Variants in DSCAM observed in about 807,000 individuals in gnomAD.
DSCAM encodes DS cell adhesion molecule, also known as cell adhesion molecule DSCAM.
In DSCAM, 47 loss-of-function variants were observed where a neutral mutation model predicts 217.7. The ratio of observed to expected loss-of-function variants is 0.22; its 90% CI spans 0.17 to 0.28. The LOEUF (loss-of-function observed/expected upper bound fraction) is 0.28, where lower values mean the gene tolerates loss of function less well. Ranked by LOEUF, DSCAM falls within the 10% of genes least tolerant of loss-of-function variation. DSCAM has a pLI of 1.00. For missense variants in DSCAM, 2,080 were observed against 2,618.3 expected (o/e 0.79, Z 4.49); for synonymous variants, 1,056 against 1,015.3 (o/e 1.04, Z -0.76).
intron 1 of DSCAM, among the ~76,000 whole-genome samples, chr21:40,715,582 G>C (rs74497764): frequency 2.0e-5 from 3 of 152,168 alleles, no homozygotes; most frequent in African/African-American, 7.2e-5. Context: ...TGCTTCATAA[G>C]TCAGAATATG....
chr21:40,841,692 T>C (rs1166914746), intron 1 of DSCAM, among the ~76,000 whole-genome samples: 7 of 152,158 alleles, frequency 4.6e-5, no homozygotes, highest in East Asian at 3.9e-4. Context: ...TGGAATGACA[T>C]TGGAAGGTCA....
chr21:40,751,458 T>G (rs2091227662), intron 1 of DSCAM, among the ~76,000 whole-genome samples: 1 of 152,204 alleles, frequency 6.6e-6, no homozygotes, highest in Admixed American at 6.5e-5. Context: ...CCTCCAAAAT[T>G]TATTTGTTGA....
chr21:40,441,964 G>C (rs1272996625), intron 3 of DSCAM, among the ~76,000 whole-genome samples: 3 of 151,914 alleles, frequency 2.0e-5, no homozygotes, highest in African/African-American at 7.3e-5. Flanking sequence ...CTTACTATTT[G>C]TAAGAAATCC....
chr21:40,187,082 A>G (rs117915938), intron 14 of DSCAM, 49 bp downstream of exon 14: 565 of 1,604,834 alleles, frequency 3.5e-4, no homozygotes, highest in Non-Finnish European at 4.4e-4. Context: ...GAGAAAAATA[A>G]AAGAACTTTC....
chr21:40,805,858 G>A (rs1167210371), intron 1 of DSCAM, among the ~76,000 whole-genome samples: 1 of 151,942 alleles, frequency 6.6e-6, no homozygotes, highest in East Asian at 1.9e-4. Flanking sequence ...AGAGGCACCT[G>A]CCACCACGCC....
chr21:40,225,403 A>C (rs1465847082), intron 11 of DSCAM, among the ~76,000 whole-genome samples: 1 of 152,142 alleles, frequency 6.6e-6, no homozygotes, highest in Admixed American at 6.5e-5. Flanking sequence ...ACAGCCTCTC[A>C]AAACCCCTTA....
chr21:40,016,546 C>A lies in DSCAM; in HGVS notation c.5687-3160G>T, dbSNP rs2088161748. Among the ~76,000 whole-genome samples, 1 of 152,124 alleles carries A rather than the reference C, an allele frequency of 6.6e-6. No homozygotes were observed. The highest frequency in any genetic ancestry group is 2.4e-5 in the African/African-American group (1 of 41,432). ...CTAAAGTAACTGAACATTCTTGTTT[C>A]TTTTGCTTCAAAATATCCCCTGCTT... On this transcript the variant is annotated intron_variant, in intron 32 of 32. Transcript: ENST00000400454. The surrounding 1 kb of genome is among the most constrained non-coding windows in gnomAD (Gnocchi z 4.3).
chr21:40,494,904 G>A (rs1010157501), intron 3 of DSCAM, among the ~76,000 whole-genome samples: 5 of 148,560 alleles, frequency 3.4e-5, no homozygotes, highest in Non-Finnish European at 7.4e-5. Flanking sequence ...AATAAAAGGA[G>A]AAACATTACA....
intron 3 of DSCAM, among the ~76,000 whole-genome samples, chr21:40,531,529 C>A (rs574734097): frequency 1.3e-5 from 2 of 152,154 alleles, no homozygotes. Context: ...GCCCAGCTCC[C>A]GGCTCAGAGA....
At chr21:40,614,107 C>T (rs2089353222) in intron 3 of DSCAM, among the ~76,000 whole-genome samples, 2 of 152,174 alleles carry the variant, frequency 1.3e-5, no homozygotes, top group South Asian at 4.1e-4. Context: ...CCTGGCACTG[C>T]CCCCGGGGGC....
chr21:40,291,093 C>T (rs921897196), intron 10 of DSCAM, among the ~76,000 whole-genome samples: 2 of 152,150 alleles, frequency 1.3e-5, no homozygotes, highest in African/African-American at 2.4e-5. Context: ...TGTCTGTCAC[C>T]GGCACTTCCA....
chr21:40,423,470 G>A (rs1033826925), intron 3 of DSCAM, among the ~76,000 whole-genome samples: 5 of 152,220 alleles, frequency 3.3e-5, no homozygotes, highest in Non-Finnish European at 7.3e-5. Context: ...CGTCCTAAGC[G>A]AAGAGTCATG....
At chr21:40,591,196 A>G (rs553716901) in intron 3 of DSCAM, among the ~76,000 whole-genome samples, 1 of 152,298 alleles carries the variant, frequency 6.6e-6, no homozygotes, top group Admixed American at 6.5e-5. Context: ...GCCTTCCATC[A>G]TGATTGTAAG....
intron 16 of DSCAM, among the ~76,000 whole-genome samples, chr21:40,160,428 A>G (rs1445467586): frequency 4.6e-5 from 7 of 152,184 alleles, no homozygotes; most frequent in Admixed American, 4.6e-4. Context: ...GTCAACTTAT[A>G]TTTTTACATG....
chr21:40,542,533 T>C (rs2076550172), intron 3 of DSCAM, among the ~76,000 whole-genome samples: 1 of 152,196 alleles, frequency 6.6e-6, no homozygotes, highest in Non-Finnish European at 1.5e-5. Flanking sequence ...ATTGGATTAG[T>C]GCCCTTAGAA....
chr21:40,604,402 T>G (rs2089203859), intron 3 of DSCAM, among the ~76,000 whole-genome samples: 1 of 152,196 alleles, frequency 6.6e-6, no homozygotes. Flanking sequence ...TATCCAATAA[T>G]TCCAAAATCA....
chr21:40,062,634 G>A (rs914078324), intron 28 of DSCAM, among the ~76,000 whole-genome samples: 10 of 152,144 alleles, frequency 6.6e-5, no homozygotes, highest in Non-Finnish European at 2.9e-5. Context: ...TATTGGTTGT[G>A]TCCAGCCAAC....
At chr21:40,031,525 C>G (rs1357616652) in intron 32 of DSCAM, among the ~76,000 whole-genome samples, 1 of 152,134 alleles carries the variant, frequency 6.6e-6, no homozygotes, top group African/African-American at 2.4e-5. Flanking sequence ...TAGTGTGTAT[C>G]AAAGACTGCA....
At chr21:40,471,904 A>T (rs1200156395) in intron 3 of DSCAM, among the ~76,000 whole-genome samples, 1 of 152,072 alleles carries the variant, frequency 6.6e-6, no homozygotes, top group African/African-American at 2.4e-5. Context: ...TTAACTCGTC[A>T]TTTACATTAG....
Sources: allele counts gnomAD v4.1 joint callset (sites outside exome capture counted in the v4.1 genomes callset), GRCh38; gene constraint gnomAD v4.1.1; non-coding constraint Gnocchi (gnomAD v3.1); transcripts MANE v1.5; gene names NCBI Gene and HGNC (gene_info 2026-07-23, HGNC 2026-07-21).